The following ATRN variants were observed in gnomAD, a reference collection of about 807,000 sequenced individuals.
The protein encoded by ATRN is attractin-2.
Under a neutral mutation model 178.7 loss-of-function variants are expected in ATRN, and 54 were observed. The observed-to-expected ratio is 0.30, with a 90% CI of 0.24 to 0.38. The LOEUF (loss-of-function observed/expected upper bound fraction) is 0.38. Among genes scored for constraint, ATRN ranks in the 10% least tolerant of loss-of-function variants. The pLI, the probability that ATRN is intolerant of heterozygous loss-of-function variation, is 1.00. For synonymous variants in ATRN, 636 were observed against 663.0 expected, an observed-to-expected ratio of 0.96 and a Z score of 0.63; for missense variants, 1,443 against 1,815.1, an observed-to-expected ratio of 0.79 and a Z score of 3.73.
intron 1 of ATRN, among the ~76,000 whole-genome samples, chr20:3,499,681 A>G (rs2084929105): frequency 6.8e-6 from 1 of 147,748 alleles, no homozygotes; most frequent in South Asian, 2.2e-4. Context: ...ACAAAAATCA[A>G]TTCAAGATGG....
At chr20:3,637,611 C>G (rs370945992) in intron 26 of ATRN, among the ~76,000 whole-genome samples, 11 of 152,172 alleles carry the variant, frequency 7.2e-5, no homozygotes, top group Non-Finnish European at 1.5e-4. Context: ...AACCTCAAAG[C>G]TTCAGCATCA....
In ATRN at chr20:3,638,976, A is replaced by T. The variant is rs765730074; in HGVS notation, c.4050+41A>T. The T allele has an allele frequency of 2.6e-6, 4 of 1,537,328 alleles. No homozygotes were observed. In the East Asian group the frequency reaches 9.1e-5, roughly 35 times the overall value. ...AGAAGTCCCTATAACTTGACTTTTT[A>T]AAACTTAGGCTCCTAAGTCTGGGAA... On this transcript the variant is annotated intron_variant, in intron 27 of 28. Coordinates refer to ENST00000262919, the MANE Select transcript of ATRN (RefSeq NM_139321.3). This position sits in a 1 kb window ranked among gnomAD's most constrained non-coding sequence, Gnocchi z 4.5.
Position 3,615,913 on chromosome 20 carries a change from G to A in ATRN, c.3802-8598G>A. On this transcript the variant is annotated intron_variant, in intron 24 of 28. Transcript: ENST00000262919. ...TGTTGTGGGGTGGGGGGAAGGGGAA[G>A]GGATAGCATTAGGGGATATACCTAA... 7 of 441,062 alleles carry A rather than the reference G, an allele frequency of 1.6e-5. 1 individual carries two copies. Among genetic ancestry groups the A allele is most frequent in the South Asian group, 1.1e-4 (7 of 63,084 alleles). 27.3% of individuals were successfully genotyped at this position (441,062 alleles called of 1,614,324 possible). A position where few individuals can be genotyped will look rare whatever the true frequency, so the allele number is the denominator to read the frequency against.
intron 24 of ATRN, among the ~76,000 whole-genome samples, chr20:3,619,881 T>C (rs1394904227): frequency 6.6e-6 from 1 of 152,138 alleles, no homozygotes; most frequent in Non-Finnish European, 1.5e-5. Flanking sequence ...TCCTCACTCT[T>C]GTGTGGCACA....
At chr20:3,542,413 G>T (rs1346350342) in intron 3 of ATRN, among the ~76,000 whole-genome samples, 1 of 152,082 alleles carries the variant, frequency 6.6e-6, no homozygotes, top group Non-Finnish European at 1.5e-5. Flanking sequence ...CAGTGGTAGC[G>T]GTGGTAGAGC....
intron 1 of ATRN, among the ~76,000 whole-genome samples, chr20:3,492,464 T>C (rs781295782): frequency 2.6e-5 from 4 of 152,080 alleles, no homozygotes; most frequent in Admixed American, 2.0e-4. Context: ...TGCTGTAGGG[T>C]GCTTAGTAGG....
At chr20:3,525,462 A>G (rs371944104) in intron 1 of ATRN, among the ~76,000 whole-genome samples, 5 of 152,240 alleles carry the variant, frequency 3.3e-5, no homozygotes, top group African/African-American at 1.2e-4. Flanking sequence ...GCCGAATTCT[A>G]CCAGAGGTAC....
At chr20:3,631,787 C>T (rs538428711) in intron 25 of ATRN, among the ~76,000 whole-genome samples, 3 of 152,242 alleles carry the variant, frequency 2.0e-5, no homozygotes, top group South Asian at 2.1e-4. Context: ...AAGCTGTTGC[C>T]GTTGGCTTCA....
chr20:3,612,673 T>C (rs997982538), intron 24 of ATRN, among the ~76,000 whole-genome samples: 31 of 152,230 alleles, frequency 2.0e-4, no homozygotes, highest in African/African-American at 7.2e-4. Flanking sequence ...TTTGTTAGGT[T>C]ATTTTCATGT....
intron 24 of ATRN, among the ~76,000 whole-genome samples, chr20:3,611,309 A>G (rs2086761611): frequency 6.6e-6 from 1 of 152,238 alleles, no homozygotes; most frequent in Non-Finnish European, 1.5e-5. Flanking sequence ...ACTTGAATCT[A>G]GAATATAATA....
Position 3,526,906 on chromosome 20 carries a change from T to TTATA in ATRN, c.411-8346_411-8343dup, listed in dbSNP as rs1398031418. On this transcript the variant is annotated intron_variant, in intron 1 of 28. Coordinates refer to ENST00000262919, the MANE Select transcript of ATRN (RefSeq NM_139321.3). ...AGAAAACTGAAACTGGACCCCTTCC[T>TTATA]TATACCTTATACAAAAATTAATTGA... is the stretch of plus-strand genomic sequence containing the variant. Among the ~76,000 whole-genome samples the TTATA allele has an allele frequency of 2.6e-5, 4 of 152,202 alleles. No individual in the cohort carries two copies. In the East Asian group the frequency reaches 7.7e-4, roughly 29 times the overall value.
rs180845091 is a variant in ATRN, at chr20:3,526,510, T to C, written c.411-8743T>C. Among the ~76,000 whole-genome samples the C allele has an allele frequency of 4.3e-3, 653 of 152,250 alleles. 5 individuals carry two copies. Among genetic ancestry groups the C allele is most frequent in the African/African-American group, 0.015 (608 of 41,558 alleles). On this transcript the variant is annotated intron_variant, in intron 1 of 28. Coordinates refer to ENST00000262919, the MANE Select transcript of ATRN (RefSeq NM_139321.3). ...AATATAGTGAAAATGGCCATATTGC[T>C]GAAAGTAATTTATAGATTCAATACT... is the stretch of plus-strand genomic sequence containing the variant.
At chr20:3,612,520 C>G (rs908907429) in intron 24 of ATRN, among the ~76,000 whole-genome samples, 6 of 152,156 alleles carry the variant, frequency 3.9e-5, no homozygotes, top group East Asian at 1.9e-4. Context: ...AGAATTCTCC[C>G]TGCTGTAGGC....
Position 3,650,007 on chromosome 20 carries a change from G to C in ATRN, c.*3160G>C, listed in dbSNP as rs918421767. ...AAGCCTGTGCCTCCCCGTGTGGAGA[G>C]AAGGCAACCCCAGATCCCCTGAGCT... On this transcript the variant is annotated 3_prime_UTR_variant, in exon 29 of 29. Transcript: ENST00000262919. The C allele has an allele frequency of 6.6e-6, 1 of 152,286 alleles. No homozygotes were observed. Among genetic ancestry groups the C allele is most frequent in the African/African-American group, 2.4e-5 (1 of 41,414 alleles). 9.4% of individuals were successfully genotyped at this position (152,286 alleles called of 1,614,324 possible).
chr20:3,504,461 A>C (rs2085009015), intron 1 of ATRN, among the ~76,000 whole-genome samples: 1 of 149,084 alleles, frequency 6.7e-6, no homozygotes, highest in South Asian at 2.1e-4. Context: ...GGATCACCTG[A>C]GGTCAGGAGT....
chr20:3,610,500 C>A (rs1249980809), intron 24 of ATRN, among the ~76,000 whole-genome samples: 2 of 150,962 alleles, frequency 1.3e-5, no homozygotes, highest in African/African-American at 2.4e-5. Context: ...GCTCAAGTAA[C>A]CCTCTCACCT....
At chr20:3,591,124 C>G (rs1237598450) in intron 18 of ATRN, 45 bp from the exon 19 acceptor site, 1 of 1,509,232 alleles carries the variant, frequency 6.6e-7, no homozygotes, top group African/African-American at 1.4e-5. Context: ...TAACTACATG[C>G]AGTTCTTCCA....
At chr20:3,623,027 T>C (rs1053179406) in intron 24 of ATRN, among the ~76,000 whole-genome samples, 2 of 152,180 alleles carry the variant, frequency 1.3e-5, no homozygotes, top group Admixed American at 1.3e-4. Context: ...TCTCATAGAT[T>C]CTTTAAGTGT....
chr20:3,489,290 T>A (rs1204501002), intron 1 of ATRN, among the ~76,000 whole-genome samples: 1 of 152,184 alleles, frequency 6.6e-6, no homozygotes, highest in Non-Finnish European at 1.5e-5. Context: ...ATTGTATCTT[T>A]AAATTTTTTT....
Sources: gnomAD v4.1 joint callset for allele counts (sites outside exome capture counted in the v4.1 genomes callset) on GRCh38, gnomAD v4.1.1 for gene constraint, Gnocchi (gnomAD v3.1) non-coding constraint, MANE v1.5 for transcripts, NCBI Gene and HGNC (gene_info 2026-07-23, HGNC 2026-07-21) for gene names.